The following LRRIQ1 variants were observed in gnomAD, a reference collection of about 807,000 sequenced individuals.
The protein encoded by LRRIQ1 is leucine rich repeats and IQ motif containing 1.
LRRIQ1 carries 210 observed loss-of-function variants against 211.9 expected under a neutral mutation model. The ratio of observed to expected loss-of-function variants is 0.99; its 90% CI spans 0.89 to 1.11. The LOEUF (loss-of-function observed/expected upper bound fraction) is 1.11, where lower values mean the gene tolerates loss of function less well. Ranked by LOEUF, LRRIQ1 falls within the 50% of genes most tolerant of loss-of-function variation. The probability of loss-of-function intolerance (pLI) is 0.00; values close to 1 mark genes in which losing one functional copy is unlikely to be tolerated. For synonymous variants in LRRIQ1, 699 were observed against 650.1 expected (o/e 1.08, Z -1.14); for missense variants, 2,136 against 1,939.5 (o/e 1.10, Z -1.90).
At chr12:85,211,918 C>A (rs906907579) in intron 24 of LRRIQ1, among the ~76,000 whole-genome samples, 2 of 152,042 alleles carry the variant, frequency 1.3e-5, no homozygotes, top group African/African-American at 2.4e-5. Context: ...TGTATGTGGT[C>A]CTTTGACTTC....
chr12:85,107,671 C>A (rs1012217733), intron 15 of LRRIQ1, among the ~76,000 whole-genome samples: 2 of 151,862 alleles, frequency 1.3e-5, no homozygotes, highest in Admixed American at 1.3e-4. Context: ...CAATATCAGA[C>A]CACTTGAATT....
chr12:85,107,083 A>T (rs1886834155), intron 15 of LRRIQ1, among the ~76,000 whole-genome samples: 1 of 152,228 alleles, frequency 6.6e-6, no homozygotes, highest in South Asian at 2.1e-4. Context: ...TCTTTGGAAT[A>T]TTGCAATACC....
At chr12:85,053,531 G>C (rs577385048) in intron 7 of LRRIQ1, among the ~76,000 whole-genome samples, 7 of 152,180 alleles carry the variant, frequency 4.6e-5, no homozygotes, top group African/African-American at 2.4e-5. Flanking sequence ...TTCAAAAAAC[G>C]TAAGTATTCA....
chr12:85,108,434 G>A (rs1028227391), intron 15 of LRRIQ1, among the ~76,000 whole-genome samples: 1 of 152,076 alleles, frequency 6.6e-6, no homozygotes, highest in African/African-American at 2.4e-5. Flanking sequence ...GGTCTTCTAT[G>A]TATTCTTTTA....
At chr12:85,221,896 A>C (rs1394592412) in intron 24 of LRRIQ1, among the ~76,000 whole-genome samples, 1 of 152,220 alleles carries the variant, frequency 6.6e-6, no homozygotes, top group Admixed American at 6.6e-5. Flanking sequence ...GTATGGAGAT[A>C]TATCTGTGGG....
At chr12:85,105,414 T>A (rs1886701581) in intron 14 of LRRIQ1, among the ~76,000 whole-genome samples, 1 of 152,162 alleles carries the variant, frequency 6.6e-6, no homozygotes, top group Non-Finnish European at 1.5e-5. Flanking sequence ...GGATATCGAA[T>A]TGTTCTAGCC....
intron 24 of LRRIQ1, among the ~76,000 whole-genome samples, chr12:85,183,330 C>G (rs1034667183): frequency 1.3e-5 from 2 of 151,788 alleles, no homozygotes; most frequent in African/African-American, 4.8e-5. Context: ...AGTGTTTTTT[C>G]CAGCGACAAG....
intron 24 of LRRIQ1, among the ~76,000 whole-genome samples, chr12:85,211,283 T>G (rs901896120): frequency 6.6e-6 from 1 of 152,196 alleles, no homozygotes; most frequent in Admixed American, 6.5e-5. Context: ...TATGAGTTGT[T>G]TTTAAGCATA....
At chr12:85,052,135 G>T in intron 6 of LRRIQ1, 42 bp from the exon 7 acceptor site, 1 of 1,039,914 alleles carries the variant, frequency 9.6e-7, no homozygotes, top group South Asian at 1.6e-5. Context: ...TAATATTTTT[G>T]ATATTTGAGT....
At chr12:85,269,242 G>T (rs1807129533), downstream of LRRIQ1, among the ~76,000 whole-genome samples, 1 of 151,744 alleles carries the variant, frequency 6.6e-6, no homozygotes. Flanking sequence ...TAGGCTTCAG[G>T]GTATTTGTAT....
At chr12:85,197,816 C>T (rs1401168463) in intron 24 of LRRIQ1, among the ~76,000 whole-genome samples, 2 of 115,920 alleles carry the variant, frequency 1.7e-5, no homozygotes, top group Admixed American at 1.7e-4. Context: ...TACCCTAAAA[C>T]TTTATAATAA....
At chr12:85,222,889 G>A (rs868167055) in intron 24 of LRRIQ1, among the ~76,000 whole-genome samples, 12 of 152,096 alleles carry the variant, frequency 7.9e-5, no homozygotes, top group South Asian at 4.1e-4. Flanking sequence ...GCTCACTCAC[G>A]TTCAGAATGG....
In LRRIQ1 at chr12:85,055,900, T is replaced by C; in HGVS notation, c.1107T>C (p.Asn369=). The C allele has an allele frequency of 6.3e-7, 1 of 1,595,024 alleles. No individual in the cohort carries two copies. Among genetic ancestry groups the C allele is most frequent in the Non-Finnish European group, 8.5e-7 (1 of 1,174,686 alleles). The change falls in exon 8 of 27, where the codon AAT becomes AAC. Residue 369 remains asparagine, a synonymous_variant. Transcript: ENST00000393217. Reference sequence around the variant, plus strand: ...AAAAAGAATATGAAGAAAAAAAGAATATTGTGAAACAGGAAAGAGAGCAAC... The same window carrying C: ...AAAAAGAATATGAAGAAAAAAAGAACATTGTGAAACAGGAAAGAGAGCAAC... ...RREKEYEEKK[N]IVKQEREQLI...
chr12:85,061,498 GTAC>G (rs1471928039), intron 8 of LRRIQ1, among the ~76,000 whole-genome samples: 1 of 151,638 alleles, frequency 6.6e-6, no homozygotes, highest in African/African-American at 2.4e-5. Context: ...AGTTACTTCT[GTAC>G]TATAATAAGA....
intron 24 of LRRIQ1, among the ~76,000 whole-genome samples, chr12:85,211,843 T>C (rs1450156007): frequency 6.6e-6 from 1 of 152,212 alleles, no homozygotes; most frequent in Non-Finnish European, 1.5e-5. Flanking sequence ...TCTTTCCTTA[T>C]AGAGAATCAC....
chr12:85,225,713 A>G (rs956246015), intron 24 of LRRIQ1, among the ~76,000 whole-genome samples: 1 of 152,184 alleles, frequency 6.6e-6, no homozygotes, highest in Admixed American at 6.5e-5. Flanking sequence ...TTCTGCAGGC[A>G]GAAGGTTGCT....
chr12:85,127,880 C>T lies in LRRIQ1; in HGVS notation c.4056C>T (p.Arg1352=), dbSNP rs1163833880. ...CATACTGGCGTGGTTACCTCATGCGCAGACAGACTCATTTCTCCACAAGGC... is the reference window on the plus strand; with the variant it reads ...CATACTGGCGTGGTTACCTCATGCGTAGACAGACTCATTTCTCCACAAGGC... ...IQSYWRGYLM[R]RQTHFSTRLH... The change falls in exon 18 of 27, where the codon CGC becomes CGT. Residue 1352 remains arginine (R), a synonymous_variant. Coordinates refer to ENST00000393217, the MANE Select transcript of LRRIQ1 (RefSeq NM_001079910.2). 7.4e-6 allele frequency: 12 copies of T among 1,613,974 alleles called. No homozygotes were observed. Among genetic ancestry groups the T allele is most frequent in the Non-Finnish European group, 8.5e-7 (1 of 1,180,008 alleles).
intron 24 of LRRIQ1, among the ~76,000 whole-genome samples, chr12:85,205,857 G>T (rs1893517389): frequency 6.6e-6 from 1 of 152,112 alleles, no homozygotes; most frequent in African/African-American, 2.4e-5. Flanking sequence ...CAGTTTTCAA[G>T]CTCAGAGTTT....
chr12:85,237,077 A>G (rs1256170824), intron 26 of LRRIQ1, among the ~76,000 whole-genome samples: 1 of 152,054 alleles, frequency 6.6e-6, no homozygotes, highest in African/African-American at 2.4e-5. Context: ...GTGTTTAAAA[A>G]TTAATGACCA....
Sources: gnomAD v4.1 joint callset for allele counts (sites outside exome capture counted in the v4.1 genomes callset) on GRCh38, gnomAD v4.1.1 for gene constraint, MANE v1.5 for transcripts, NCBI Gene and HGNC (gene_info 2026-07-23, HGNC 2026-07-21) for gene names.